HCN4: variants seen among roughly 807,000 people sequenced by gnomAD.
HCN4 encodes potassium/sodium hyperpolarization-activated cyclic nucleotide-gated channel 4.
HCN4 carries 29 observed loss-of-function variants against 76.9 expected under a neutral mutation model. The observed-to-expected ratio is 0.38, with a 90% CI of 0.28 to 0.51. The LOEUF (loss-of-function observed/expected upper bound fraction) is 0.51, where lower values mean the gene tolerates loss of function less well. HCN4 is among the 20% of genes least tolerant of loss of function. HCN4 has a pLI of 0.90. For missense variants in HCN4, 1,416 were observed against 1,715.2 expected, an observed-to-expected ratio of 0.83 and a Z score of 3.08; for synonymous variants, 772 against 762.5, an observed-to-expected ratio of 1.01 and a Z score of -0.21.
At position 73,367,545 on chromosome 15, in the gene HCN4, G is replaced by C. The variant is rs1291993874; in HGVS notation, c.726C>G (p.Arg242=). 6.2e-7 allele frequency: 1 copy of C among 1,614,032 alleles called. No homozygotes were observed. Among genetic ancestry groups the C allele is most frequent in the Non-Finnish European group, 8.5e-7 (1 of 1,180,006 alleles). The change falls in exon 1 of 8, where the codon CGC becomes CGG. Residue 242 remains arginine (R), a synonymous_variant. Transcript: ENST00000261917. The surrounding 1 kb of genome is among the most constrained non-coding windows in gnomAD (Gnocchi z 7.5). ...RMFGSQKAVE[R]EQERVKSAGF... ...CGGCCGACTTGACCCTCTCCTGTTC[G>C]CGCTCCACGGCTTTCTGGCTGCCGA...
rs1029680367 is a variant in HCN4, at chr15:73,323,881, C to G, written c.2212G>C (p.Glu738Gln). 1 of 1,604,244 alleles carries G rather than the reference C, an allele frequency of 6.2e-7. No homozygotes were observed. Reference protein sequence around the residue: ...DLNSGVFNYQENEIIQQIVQH... With the variant: ...DLNSGVFNYQQNEIIQQIVQH... ...ACAATCTGCTGGATGATCTCATTCT[C>G]CTGGTAGTTGAAGACGCCGGAGTTG... Residue 738 changes from glutamate (E) to glutamine (Q), a missense_variant, in exon 8 of 8, where the codon GAG becomes CAG. By Grantham distance (29) the Glu-to-Gln change is conservative (BLOSUM62 2). Coordinates refer to ENST00000261917, the MANE Select transcript of HCN4 (RefSeq NM_005477.3).
chr15:73,356,864 T>C (rs2043083555), intron 1 of HCN4, among the ~76,000 whole-genome samples: 1 of 152,144 alleles, frequency 6.6e-6, no homozygotes, highest in African/African-American at 2.4e-5. Context: ...GAGGGAGGCC[T>C]ATTACCAATG....
intron 1 of HCN4, among the ~76,000 whole-genome samples, chr15:73,353,552 C>T (rs2151224075): frequency 6.6e-6 from 1 of 152,302 alleles, no homozygotes; most frequent in East Asian, 1.9e-4. Context: ...CCTGCCTCCC[C>T]TCCTCACACC....
rs752139441 is a variant in HCN4 at position 73,323,247 on chromosome 15, C to G, written c.2846G>C (p.Arg949Pro). 4 of 1,522,598 alleles carry G rather than the reference C, an allele frequency of 2.6e-6. No individual in the cohort carries two copies. The highest frequency in any genetic ancestry group is 2.6e-6 in the Non-Finnish European group (3 of 1,135,732). 94.3% of individuals were successfully genotyped at this position (1,522,598 alleles called of 1,614,324 possible). Residue 949 changes from arginine (R) to proline (P), a missense_variant, in exon 8 of 8, where the codon CGG becomes CCG. Transcript: ENST00000261917. ...GTGCTCCGGGAGTCCCAGGCCTCCC[C>G]GGGCCCCGGGTGGCGCGGGAGATGG... ...AQPSPAPPGA[R>P]GGLGLPEHFL...
intron 1 of HCN4, among the ~76,000 whole-genome samples, chr15:73,355,230 T>C (rs969797652): frequency 2.6e-5 from 4 of 152,162 alleles, no homozygotes; most frequent in African/African-American, 7.2e-5. Context: ...GTCAGGGGCC[T>C]GAGATTCTCA....
intron 1 of HCN4, among the ~76,000 whole-genome samples, chr15:73,363,625 T>C (rs926530715): frequency 6.6e-6 from 1 of 152,186 alleles, no homozygotes; most frequent in African/African-American, 2.4e-5. Context: ...CCAGGTATCC[T>C]TCTGGATGGA....
intron 1 of HCN4, among the ~76,000 whole-genome samples, chr15:73,353,060 G>A (rs1284041396): frequency 2.0e-5 from 3 of 152,030 alleles, no homozygotes; most frequent in African/African-American, 4.8e-5. Context: ...ACGGACGGAC[G>A]GGAGACTGTT....
chr15:73,365,262 C>T (rs2043123376), intron 1 of HCN4, among the ~76,000 whole-genome samples: 1 of 152,138 alleles, frequency 6.6e-6, no homozygotes, highest in African/African-American at 2.4e-5. Flanking sequence ...GTATGGCCAC[C>T]GCTCCTCCAG....
rs770502834 is a variant in HCN4, at chr15:73,368,286, G to T, written c.-16C>A. 5.4e-6 allele frequency: 8 copies of T among 1,475,146 alleles called. No individual in the cohort carries two copies. The South Asian group carries it at 8.9e-5, about 16-fold the overall frequency. 91.4% of individuals were successfully genotyped at this position (1,475,146 alleles called of 1,614,324 possible). A position where few individuals can be genotyped will look rare whatever the true frequency, so the allele number is the denominator to read the frequency against. Reference sequence around the variant, plus strand: ...GCTTGTCCATGGCGCCAGGGGCCGGGGTCGGACCGGGCCGGGGGCAGGAGC... The same window carrying T: ...GCTTGTCCATGGCGCCAGGGGCCGGTGTCGGACCGGGCCGGGGGCAGGAGC... On this transcript the variant is annotated 5_prime_UTR_variant, in exon 1 of 8. Coordinates refer to ENST00000261917, the MANE Select transcript of HCN4 (RefSeq NM_005477.3). The surrounding 1 kb of genome is among the most constrained non-coding windows in gnomAD (Gnocchi z 6.9).
intron 3 of HCN4, among the ~76,000 whole-genome samples, chr15:73,331,906 G>A (rs1398074078): frequency 6.6e-6 from 1 of 152,224 alleles, no homozygotes; most frequent in Non-Finnish European, 1.5e-5. Flanking sequence ...TGGAGGCTGT[G>A]AGAAGATGGA....
chr15:73,330,814 G>T (rs1451638428), intron 3 of HCN4, among the ~76,000 whole-genome samples: 1 of 152,180 alleles, frequency 6.6e-6, no homozygotes, highest in Admixed American at 6.5e-5. Flanking sequence ...AGACTGGAGT[G>T]GGGACCAGGA....
chr15:73,327,193 G>A (rs944696117), intron 4 of HCN4, among the ~76,000 whole-genome samples: 1 of 148,042 alleles, frequency 6.8e-6, no homozygotes, highest in Non-Finnish European at 1.5e-5. Context: ...TGCAACCTCC[G>A]CCTCCTAGGT....
intron 1 of HCN4, among the ~76,000 whole-genome samples, chr15:73,351,018 C>T (rs935191746): frequency 2.6e-5 from 4 of 152,164 alleles, no homozygotes; most frequent in East Asian, 3.9e-4. Flanking sequence ...CTCCTCAGCA[C>T]GTCACCAATA....
chr15:73,348,494 AT>A (rs1331654719), intron 1 of HCN4, among the ~76,000 whole-genome samples: 1 of 152,334 alleles, frequency 6.6e-6, no homozygotes, highest in African/African-American at 2.4e-5. Flanking sequence ...ACATGCATCC[AT>A]TTTTACACAT....
chr15:73,358,061 G>A (rs544233464), intron 1 of HCN4, among the ~76,000 whole-genome samples: 8 of 152,292 alleles, frequency 5.3e-5, no homozygotes, highest in African/African-American at 1.9e-4. Context: ...TGGACACTGA[G>A]AGAAGAGAGG....
Position 73,325,539 on chromosome 15 carries a change from C to A in HCN4, c.1591-95G>T. 4 of 1,273,178 alleles carry A rather than the reference C, an allele frequency of 3.1e-6. No individual in the cohort carries two copies. Among genetic ancestry groups the A allele is most frequent in the East Asian group, 2.3e-5 (1 of 43,110 alleles). The allele number at this position is 1,273,178 out of a possible 1,614,324, so 78.9% of individuals were successfully genotyped here. ...GGCAGGCACCACATCCGGGCACCCACCCCGGGGGATTTCCTGGCTAAACTT... is the reference window on the plus strand; with the variant it reads ...GGCAGGCACCACATCCGGGCACCCAACCCGGGGGATTTCCTGGCTAAACTT... On this transcript the variant is annotated intron_variant, in intron 4 of 7. Transcript: ENST00000261917. This position sits in a 1 kb window ranked among gnomAD's most constrained non-coding sequence, Gnocchi z 7.4.
chr15:73,323,441 G>A lies in HCN4; in HGVS notation c.2652C>T (p.Pro884=), dbSNP rs373814254. 3.0e-5 allele frequency: 48 copies of A among 1,608,336 alleles called. No homozygotes were observed. In the African/African-American group the frequency reaches 3.3e-4, roughly 11 times the overall value. ...LLPSSSSSPP[P]GACGSPSAPT... is the part of the protein sequence containing the mutation. Reference sequence around the variant, plus strand: ...GAGCCGAGGGGGAGCCACAGGCCCCGGGGGGTGGGGAGGAGCTGGATGAGG... The same window carrying A: ...GAGCCGAGGGGGAGCCACAGGCCCCAGGGGGTGGGGAGGAGCTGGATGAGG... The change falls in exon 8 of 8, where the codon CCC becomes CCT. Residue 884 remains proline (P), a synonymous_variant. Coordinates refer to ENST00000261917, the MANE Select transcript of HCN4 (RefSeq NM_005477.3).
intron 1 of HCN4, among the ~76,000 whole-genome samples, chr15:73,352,824 G>A (rs534085693): frequency 8.6e-4 from 131 of 152,306 alleles, no homozygotes; most frequent in East Asian, 1.4e-3. Context: ...CTGCTCTCCC[G>A]GAATCCCCTC....
intron 2 of HCN4, chr15:73,335,156 C>T (rs1199234790): frequency 2.6e-5 from 4 of 152,266 alleles, no homozygotes; most frequent in Non-Finnish European, 4.4e-5. Flanking sequence ...CGCCCCCAGC[C>T]TCTGTTGTTT....
Sources: gnomAD v4.1 joint callset for allele counts (sites outside exome capture counted in the v4.1 genomes callset) on GRCh38, gnomAD v4.1.1 for gene constraint, Gnocchi (gnomAD v3.1) non-coding constraint, MANE v1.5 for transcripts, NCBI Gene and HGNC (gene_info 2026-07-23, HGNC 2026-07-21) for gene names.